Variants in PTPRQ observed in about 807,000 individuals in gnomAD.
PTPRQ encodes the protein protein tyrosine phosphatase receptor type Q.
A neutral mutation model predicts 246.0 loss-of-function variants in PTPRQ; 199 were observed. The observed-to-expected ratio is 0.81, with a 90% CI of 0.72 to 0.91. The LOEUF (loss-of-function observed/expected upper bound fraction) is 0.91, where lower values mean the gene tolerates loss of function less well. PTPRQ is among the 40% of genes least tolerant of loss of function. The probability of loss-of-function intolerance (pLI) is 0.00; values close to 1 mark genes in which losing one functional copy is unlikely to be tolerated. For synonymous variants in PTPRQ, 869 were observed against 853.2 expected, an observed-to-expected ratio of 1.02 and a Z score of -0.32; for missense variants, 2,624 against 2,528.4, an observed-to-expected ratio of 1.04 and a Z score of -0.81.
intron 35 of PTPRQ, among the ~76,000 whole-genome samples, chr12:80,646,174 A>G (rs1900066113): frequency 6.6e-6 from 1 of 152,184 alleles, no homozygotes; most frequent in African/African-American, 2.4e-5. Flanking sequence ...TAAATTAGCA[A>G]TAGTAATTAT....
chr12:80,468,770 T>A lies in PTPRQ; in HGVS notation c.971T>A (p.Ile324Asn). ...AACATCACAGGAAAGTCCTTTTCAA[T>A]TTTATGGGACCCACCAACTATAGTA... ...TGNITGKSFS[I>N]LWDPPTIVTG... The change falls in exon 7 of 45, where the codon ATT becomes AAT. Residue 324 changes from isoleucine (I) to asparagine (N), a missense_variant. Physicochemically the swap from Ile to Asn is moderately radical, Grantham distance 149 (BLOSUM62 -3). Coordinates refer to ENST00000644991, the MANE Select transcript of PTPRQ (RefSeq NM_001145026.2). 3 of 1,550,506 alleles carry A rather than the reference T, an allele frequency of 1.9e-6. No individual in the cohort carries two copies. Among genetic ancestry groups the A allele is most frequent in the African/African-American group, 2.7e-5 (2 of 73,160 alleles).
chr12:80,477,801 C>A lies in PTPRQ; in HGVS notation c.1186+5550C>A, dbSNP rs142960015. On this transcript the variant is annotated intron_variant, in intron 8 of 44. Coordinates refer to ENST00000644991, the MANE Select transcript of PTPRQ (RefSeq NM_001145026.2). ...CCTGGAAAATCGGGTCACTCCGACCCGAATACTGCGCTTTTCTGACGGGCT... is the reference window on the plus strand; with the variant it reads ...CCTGGAAAATCGGGTCACTCCGACCAGAATACTGCGCTTTTCTGACGGGCT... 6.6e-3 allele frequency among the ~76,000 whole-genome samples: 1,008 copies of A among 152,266 alleles called. 5 individuals carry two copies. Among genetic ancestry groups the A allele is most frequent in the Non-Finnish European group, 0.011 (723 of 68,018 alleles).
At chr12:80,544,199 T>C (rs952291524) in intron 23 of PTPRQ, among the ~76,000 whole-genome samples, 5 of 152,078 alleles carry the variant, frequency 3.3e-5, no homozygotes, top group Non-Finnish European at 7.4e-5. Flanking sequence ...TAATGCAAAA[T>C]GGGAGTTACA....
At chr12:80,600,106 A>G (rs1565811008) in intron 26 of PTPRQ, among the ~76,000 whole-genome samples, 3 of 151,852 alleles carry the variant, frequency 2.0e-5, no homozygotes, top group African/African-American at 7.2e-5. Flanking sequence ...CGATTTTTGG[A>G]AAAGTTCAAG....
At position 80,620,311 on chromosome 12, in the gene PTPRQ, A is replaced by G. The variant is rs1400595307; in HGVS notation, c.5547A>G (p.Ala1849=). Residue 1849 remains alanine, a synonymous_variant, in exon 32 of 45, where the codon GCA becomes GCG. Transcript: ENST00000644991. ...TCTACATCATAGGTGCTGATAATGC[A>G]TGCATGATTCCTGGCAATGAAGACA... The part of the protein sequence containing the change: ...EEIYIIGADN[A]CMIPGNEDKI... 2 of 1,549,584 alleles carry G rather than the reference A, an allele frequency of 1.3e-6. No individual in the cohort carries two copies. The highest frequency in any genetic ancestry group is 1.7e-6 in the Non-Finnish European group (2 of 1,145,600).
intron 25 of PTPRQ, among the ~76,000 whole-genome samples, chr12:80,587,749 C>T (rs1565803532): frequency 6.6e-6 from 1 of 151,726 alleles, no homozygotes; most frequent in African/African-American, 2.4e-5. Flanking sequence ...AAGTATCTTC[C>T]CTTGGAACTG....
intron 33 of PTPRQ, among the ~76,000 whole-genome samples, chr12:80,627,383 AG>A (rs1488128296): frequency 7.0e-6 from 1 of 143,556 alleles, no homozygotes; most frequent in African/African-American, 2.6e-5. Flanking sequence ...ATAATAATAA[AG>A]AAGGAGGAAG....
chr12:80,647,005 T>C (rs1429039726), intron 35 of PTPRQ, among the ~76,000 whole-genome samples: 5 of 152,206 alleles, frequency 3.3e-5, no homozygotes, highest in Admixed American at 3.3e-4. Flanking sequence ...TTAATGTCTC[T>C]TAGGGATTTC....
chr12:80,521,586 G>A (rs1592609711), intron 17 of PTPRQ, among the ~76,000 whole-genome samples: 1 of 151,920 alleles, frequency 6.6e-6, no homozygotes, highest in Non-Finnish European at 1.5e-5. Flanking sequence ...CATATGGCTA[G>A]CCAGTTTTCC....
In PTPRQ at chr12:80,481,840, G is replaced by T. The variant is rs539477700; in HGVS notation, c.1187-2593G>T. Among the ~76,000 whole-genome samples the T allele has an allele frequency of 1.8e-4, 28 of 152,128 alleles. 1 individual carries two copies. Among genetic ancestry groups the T allele is most frequent in the Middle Eastern group, 3.4e-3 (1 of 294 alleles). On this transcript the variant is annotated intron_variant, in intron 8 of 44. Transcript: ENST00000644991. ...CAAGGGATGTGAAGGACGTCTTCAA[G>T]GAGAACTACAAACCGCTGCTCAATG...
intron 14 of PTPRQ, among the ~76,000 whole-genome samples, chr12:80,503,394 G>T (rs1280400135): frequency 6.6e-6 from 1 of 151,750 alleles, no homozygotes; most frequent in Non-Finnish European, 1.5e-5. Context: ...AGTTTTAAAA[G>T]TATCAATATT....
chr12:80,537,993 C>A (rs959364953), intron 19 of PTPRQ, among the ~76,000 whole-genome samples: 4 of 152,040 alleles, frequency 2.6e-5, no homozygotes, highest in African/African-American at 9.7e-5. Flanking sequence ...CCTGTAGTCC[C>A]AGGTACTCAG....
Position 80,588,400 on chromosome 12 carries a change from T to C in PTPRQ, c.4557T>C (p.Asn1519=), listed in dbSNP as rs764131025. The C allele has an allele frequency of 1.0e-5, 16 of 1,525,668 alleles. No individual in the cohort carries two copies. The highest frequency in any genetic ancestry group is 1.4e-5 in the Non-Finnish European group (16 of 1,133,212). 94.5% of individuals were successfully genotyped at this position (1,525,668 alleles called of 1,614,324 possible). A position where few individuals can be genotyped will look rare whatever the true frequency, so the allele number is the denominator to read the frequency against. ...WYRFQVAAST[N]AGYGNASNWI... is the part of the protein sequence containing the mutation. ...GATTCCAAGTGGCTGCCAGCACCAA[T>C]GCTGGCTATGGCAATGCTTCAAACT... The change falls in exon 26 of 45, where the codon AAT becomes AAC. Residue 1519 remains asparagine, a synonymous_variant. Coordinates refer to ENST00000644991, the MANE Select transcript of PTPRQ (RefSeq NM_001145026.2).
intron 25 of PTPRQ, among the ~76,000 whole-genome samples, chr12:80,559,154 C>T (rs1896752389): frequency 2.0e-5 from 3 of 152,096 alleles, no homozygotes; most frequent in African/African-American, 7.2e-5. Flanking sequence ...AAGCAATTCT[C>T]CTGCCCCAGC....
At chr12:80,482,202 G>A (rs1398808593) in intron 8 of PTPRQ, among the ~76,000 whole-genome samples, 1 of 149,784 alleles carries the variant, frequency 6.7e-6, no homozygotes, top group East Asian at 1.9e-4. Context: ...ACAGAACAGA[G>A]CCCTCAGAAA....
rs184986501 is a variant in PTPRQ, at chr12:80,497,084, C to T, written c.2272+553C>T. ...TTTCATGGAAGACAATTTTTCCCCT[C>T]CCTCCGGACTAGGGAGGGGAGTGAG... is the stretch of plus-strand genomic sequence containing the variant. On this transcript the variant is annotated intron_variant, in intron 14 of 44. Coordinates refer to ENST00000644991, the MANE Select transcript of PTPRQ (RefSeq NM_001145026.2). Among the ~76,000 whole-genome samples, 55 of 152,036 alleles carry T rather than the reference C, an allele frequency of 3.6e-4. 1 individual carries two copies. In the South Asian group the frequency reaches 0.01, roughly 29 times the overall value.
chr12:80,486,878 C>G (rs115604438), intron 9 of PTPRQ, among the ~76,000 whole-genome samples: 4 of 152,154 alleles, frequency 2.6e-5, no homozygotes, highest in African/African-American at 9.7e-5. Context: ...TCTGTCCCCC[C>G]ACTTTTCAGC....
chr12:80,504,268 C>T (rs1894888924), intron 14 of PTPRQ, among the ~76,000 whole-genome samples: 1 of 151,724 alleles, frequency 6.6e-6, no homozygotes, highest in African/African-American at 2.4e-5. Context: ...TTCTCTTCTT[C>T]TTTATCTAAT....
At chr12:80,574,474 T>G (rs2120968746) in intron 25 of PTPRQ, among the ~76,000 whole-genome samples, 1 of 152,276 alleles carries the variant, frequency 6.6e-6, no homozygotes, top group South Asian at 2.1e-4. Flanking sequence ...TATCTCATTT[T>G]TAGTTCCTCT....
Sources: gnomAD v4.1 joint callset for allele counts (sites outside exome capture counted in the v4.1 genomes callset) on GRCh38, gnomAD v4.1.1 for gene constraint, MANE v1.5 for transcripts, NCBI Gene and HGNC (gene_info 2026-07-23, HGNC 2026-07-21) for gene names.